Variants in PLPPR1 observed in about 807,000 individuals in gnomAD.
PLPPR1 encodes phospholipid phosphatase related 1.
PLPPR1 carries 10 observed loss-of-function variants against 33.1 expected under a neutral mutation model. The observed-to-expected ratio is 0.30, with a 90% CI of 0.19 to 0.51. PLPPR1 has a LOEUF of 0.51. Ranked by LOEUF, PLPPR1 falls within the 20% of genes least tolerant of loss-of-function variation. The pLI, the probability that PLPPR1 is intolerant of heterozygous loss-of-function variation, is 0.97. For missense variants in PLPPR1, 304 were observed against 408.1 expected, an observed-to-expected ratio of 0.74 and a Z score of 2.20; for synonymous variants, 151 against 151.0, an observed-to-expected ratio of 1.00 and a Z score of 0.00.
At chr9:101,247,569 A>C (rs2118860048) in intron 2 of PLPPR1, among the ~76,000 whole-genome samples, 1 of 152,216 alleles carries the variant, frequency 6.6e-6, no homozygotes, top group South Asian at 2.1e-4. Context: ...GTGGGTGTGC[A>C]GTAGTCTGGG....
chr9:101,153,981 T>G lies in PLPPR1; in HGVS notation c.-45-31469T>G, dbSNP rs549986799. Among the ~76,000 whole-genome samples, 358 of 152,262 alleles carry G rather than the reference T, an allele frequency of 2.4e-3. 3 individuals carry two copies. The highest frequency in any genetic ancestry group is 7.7e-3 in the African/African-American group (319 of 41,542). On this transcript the variant is annotated intron_variant, in intron 1 of 7. Coordinates refer to ENST00000374874, the MANE Select transcript of PLPPR1 (RefSeq NM_207299.2). The stretch of plus-strand genomic sequence containing the variant: ...TATTGAGATGATCATGTGCTTTTGG[T>G]CTTTGGTTCTGTTTATATGCTGGAT...
chr9:101,155,443 A>G (rs1831667780), intron 1 of PLPPR1, among the ~76,000 whole-genome samples: 1 of 152,194 alleles, frequency 6.6e-6, no homozygotes. Context: ...TATGCAAGAG[A>G]TTAAGGAGAG....
At chr9:101,305,209 G>A (rs1484820870) in intron 4 of PLPPR1, among the ~76,000 whole-genome samples, 1 of 151,332 alleles carries the variant, frequency 6.6e-6, no homozygotes, top group Non-Finnish European at 1.5e-5. Context: ...GTAAAAGTGT[G>A]TGTGTGTGTG....
chr9:101,248,556 G>C (rs963825329), intron 2 of PLPPR1, among the ~76,000 whole-genome samples: 2 of 151,992 alleles, frequency 1.3e-5, no homozygotes, highest in Middle Eastern at 3.2e-3. Flanking sequence ...GGATAAAAGT[G>C]AGAAAAGGAG....
At chr9:101,191,766 A>G (rs1826300092) in intron 2 of PLPPR1, among the ~76,000 whole-genome samples, 11 of 152,206 alleles carry the variant, frequency 7.2e-5, no homozygotes, top group Admixed American at 7.2e-4. Flanking sequence ...GAAACCATTA[A>G]TAACTCAGCC....
intron 1 of PLPPR1, among the ~76,000 whole-genome samples, chr9:101,030,763 T>C (rs192480288): frequency 5.3e-5 from 8 of 152,180 alleles, no homozygotes; most frequent in African/African-American, 1.9e-4. Flanking sequence ...CACTTTGAGA[T>C]GACAGGTTGG....
intron 1 of PLPPR1, among the ~76,000 whole-genome samples, chr9:101,052,592 T>A (rs377354103): frequency 2.6e-5 from 4 of 152,138 alleles, no homozygotes; most frequent in African/African-American, 9.7e-5. Flanking sequence ...CTATGTTGCC[T>A]TTTTTCATAG....
intron 2 of PLPPR1, among the ~76,000 whole-genome samples, chr9:101,242,429 G>T (rs1433370604): frequency 6.6e-6 from 1 of 151,944 alleles, no homozygotes. Flanking sequence ...ATTAGAATAA[G>T]AGTGCTTGCT....
chr9:101,129,222 T>C (rs551236150), intron 1 of PLPPR1, among the ~76,000 whole-genome samples: 2 of 152,172 alleles, frequency 1.3e-5, no homozygotes, highest in African/African-American at 4.8e-5. Flanking sequence ...ATATCAAATG[T>C]TGGCAAAGTG....
At chr9:101,247,055 A>G (rs1189359645) in intron 2 of PLPPR1, among the ~76,000 whole-genome samples, 3 of 152,014 alleles carry the variant, frequency 2.0e-5, no homozygotes, top group East Asian at 1.9e-4. Flanking sequence ...GAGAGAAACT[A>G]CAAGGGAAAT....
chr9:101,068,508 G>A (rs1289673976), intron 1 of PLPPR1, among the ~76,000 whole-genome samples: 2 of 151,838 alleles, frequency 1.3e-5, no homozygotes, highest in Non-Finnish European at 2.9e-5. Flanking sequence ...GGCCTGGTAG[G>A]GTGGGAAGGG....
At chr9:101,143,687 C>T in intron 1 of PLPPR1, among the ~76,000 whole-genome samples, 1 of 152,170 alleles carries the variant, frequency 6.6e-6, no homozygotes. Context: ...AAATGCTCAT[C>T]ATCACTGGCC....
chr9:101,310,012 C>G (rs371033670), intron 5 of PLPPR1, among the ~76,000 whole-genome samples: 15 of 152,158 alleles, frequency 9.9e-5, no homozygotes, highest in East Asian at 7.7e-4. Context: ...AAAACCTCAA[C>G]ACCCCAGAGT....
chr9:101,115,423 A>G (rs531848648), intron 1 of PLPPR1, among the ~76,000 whole-genome samples: 10 of 152,238 alleles, frequency 6.6e-5, no homozygotes, highest in Non-Finnish European at 1.0e-4. Flanking sequence ...CATTGGGGTT[A>G]TAGTGATGAA....
At chr9:101,156,136 A>G (rs1156569391) in intron 1 of PLPPR1, among the ~76,000 whole-genome samples, 2 of 152,190 alleles carry the variant, frequency 1.3e-5, no homozygotes, top group Admixed American at 1.3e-4. Flanking sequence ...CAGCATATAT[A>G]ATGGTTAACT....
At chr9:101,288,250 A>T (rs1828429364) in intron 4 of PLPPR1, among the ~76,000 whole-genome samples, 2 of 152,158 alleles carry the variant, frequency 1.3e-5, no homozygotes, top group South Asian at 4.1e-4. Flanking sequence ...GAGACACCAC[A>T]TTGGAGAGAG....
At chr9:101,237,366 G>A (rs1436829528) in intron 2 of PLPPR1, among the ~76,000 whole-genome samples, 1 of 151,344 alleles carries the variant, frequency 6.6e-6, no homozygotes, top group African/African-American at 2.4e-5. Context: ...AAAGATACCT[G>A]CGCTGTTATA....
chr9:101,069,277 A>G (rs1830456177), intron 1 of PLPPR1, among the ~76,000 whole-genome samples: 1 of 152,110 alleles, frequency 6.6e-6, no homozygotes, highest in Non-Finnish European at 1.5e-5. Flanking sequence ...AGATATAATG[A>G]TTTTCATTTT....
intron 7 of PLPPR1, among the ~76,000 whole-genome samples, chr9:101,319,280 A>G (rs139896460): frequency 0.036 from 5,512 of 152,208 alleles, 346 homozygotes; most frequent in African/African-American, 0.12. Context: ...GGGTTCAAGC[A>G]ATTCTCTCGC....
Sources: gnomAD v4.1 joint callset for allele counts (sites outside exome capture counted in the v4.1 genomes callset) on GRCh38, gnomAD v4.1.1 for gene constraint, MANE v1.5 for transcripts, NCBI Gene and HGNC (gene_info 2026-07-23, HGNC 2026-07-21) for gene names.